The following PPP2R3A variants were observed in gnomAD, a reference collection of about 807,000 sequenced individuals.
PPP2R3A encodes serine/threonine-protein phosphatase 2A regulatory subunit B'' subunit alpha.
PPP2R3A carries 80 observed loss-of-function variants against 106.9 expected under a neutral mutation model. That is an observed-to-expected ratio of 0.75 (90% CI 0.62 to 0.90). The LOEUF (loss-of-function observed/expected upper bound fraction) is 0.90. PPP2R3A is among the 40% of genes least tolerant of loss of function. The pLI, the probability that PPP2R3A is intolerant of heterozygous loss-of-function variation, is 0.00. For synonymous variants in PPP2R3A, 483 were observed against 468.3 expected (o/e 1.03, Z -0.41); for missense variants, 1,386 against 1,350.4 (o/e 1.03, Z -0.41).
In PPP2R3A at chr3:136,145,043, CT is replaced by C; in HGVS notation, c.3333del (p.Phe1111LeufsTer23). On this transcript the variant is annotated frameshift_variant and splice_region_variant, in exon 14 of 14. Coordinates refer to ENST00000264977, the MANE Select transcript of PPP2R3A (RefSeq NM_002718.5). LOFTEE classifies it high-confidence loss of function. ...ESAQAQFQEG[F>X]EDYETDEPAS... is the part of the protein sequence containing the mutation. Reference sequence around the variant, plus strand: ...ATTCACTTTTGCTTTGTTATTTCAGCTTTGAAGATTATGAAACAGATGAACC... The same window carrying C: ...ATTCACTTTTGCTTTGTTATTTCAGCTTGAAGATTATGAAACAGATGAACC... 1 of 1,607,752 alleles carries C rather than the reference CT, an allele frequency of 6.2e-7. No individual in the cohort carries two copies. The highest frequency in any genetic ancestry group is 8.5e-7 in the Non-Finnish European group (1 of 1,177,938).
At chr3:135,968,540 C>T (rs1937155528) in intron 1 of PPP2R3A, among the ~76,000 whole-genome samples, 2 of 152,164 alleles carry the variant, frequency 1.3e-5, no homozygotes, top group Non-Finnish European at 2.9e-5. Flanking sequence ...AGAGTGATGA[C>T]ACAAAATGAA....
intron 2 of PPP2R3A, among the ~76,000 whole-genome samples, chr3:136,021,371 CA>C (rs1158153587): frequency 6.6e-6 from 1 of 152,000 alleles, no homozygotes; most frequent in African/African-American, 2.4e-5. Flanking sequence ...TAGTACGTAT[CA>C]AAAGCTTTCA....
rs1244086325 is a variant in PPP2R3A, at chr3:136,145,212, C to T, written c.*46C>T. ...ACGAAGATGTGTATTTTAAATGTTT[C>T]TTTCTTGTGAAGAGATGTTCTCGTT... On this transcript the variant is annotated 3_prime_UTR_variant, in exon 14 of 14. Coordinates refer to ENST00000264977, the MANE Select transcript of PPP2R3A (RefSeq NM_002718.5). 7 of 1,568,702 alleles carry T rather than the reference C, an allele frequency of 4.5e-6. No individual in the cohort carries two copies. The African/African-American group carries it at 5.5e-5, about 12-fold the overall frequency.
chr3:136,020,551 T>C (rs1934430408), intron 2 of PPP2R3A, among the ~76,000 whole-genome samples: 1 of 151,764 alleles, frequency 6.6e-6, no homozygotes, highest in Non-Finnish European at 1.5e-5. Flanking sequence ...GCAAAATCTT[T>C]TTAGTAGTTT....
intron 13 of PPP2R3A, among the ~76,000 whole-genome samples, chr3:136,119,574 A>AAGAC (rs1491566363): frequency 4.6e-5 from 7 of 152,220 alleles, no homozygotes; most frequent in African/African-American, 1.7e-4. Context: ...TTCTCAAAAG[A>AAGAC]AGACATTTAT....
chr3:136,117,321 A>G (rs1476768999), intron 13 of PPP2R3A, among the ~76,000 whole-genome samples: 1 of 152,204 alleles, frequency 6.6e-6, no homozygotes, highest in African/African-American at 2.4e-5. Context: ...CATCACAATT[A>G]AAAGAACTAG....
At position 135,989,855 on chromosome 3, in the gene PPP2R3A, A is replaced by G. The variant is rs149832990; in HGVS notation, c.-440-11204A>G. Among the ~76,000 whole-genome samples the G allele has an allele frequency of 3.3e-5, 5 of 152,330 alleles. No homozygotes were observed. In the East Asian group the frequency reaches 9.6e-4, roughly 29 times the overall value. On this transcript the variant is annotated intron_variant, in intron 1 of 13. Transcript: ENST00000264977. ...AGTGGAAAAAAACAGGCAATAAACT[A>G]TAATCTTACTTTTGTTTAAAAAGTT...
In PPP2R3A at chr3:136,146,025, T is replaced by C. The variant is rs2108046819; in HGVS notation, c.*859T>C. On this transcript the variant is annotated 3_prime_UTR_variant, in exon 14 of 14. Coordinates refer to ENST00000264977, the MANE Select transcript of PPP2R3A (RefSeq NM_002718.5). ...GAAGACATAAAGGAATAATGATACA[T>C]TAAAATTCTTACTAGATAGATATAT... 6.6e-6 allele frequency: 1 copy of C among 152,314 alleles called. No individual in the cohort carries two copies. The highest frequency in any genetic ancestry group is 1.5e-5 in the Non-Finnish European group (1 of 68,028). 9.4% of individuals were successfully genotyped at this position (152,314 alleles called of 1,614,324 possible).
rs1293865963 is a variant in PPP2R3A, at chr3:136,002,647, T to C, written c.1149T>C (p.Asn383=). Residue 383 remains asparagine (N), a synonymous_variant, in exon 2 of 14, where the codon AAT becomes AAC. Transcript: ENST00000264977. ...STNSLYNLEV[N]DPRTLKAVQV... The stretch of plus-strand genomic sequence containing the variant: ...ATTCCTTATATAACTTAGAGGTAAA[T>C]GATCCTAGAACTCTAAAAGCTGTCC... The C allele has an allele frequency of 6.2e-7, 1 of 1,613,590 alleles. No homozygotes were observed. The highest frequency in any genetic ancestry group is 1.1e-5 in the South Asian group (1 of 91,064).
Position 136,003,199 on chromosome 3 carries a change from C to A in PPP2R3A, c.1701C>A (p.Val567=). 6.2e-7 allele frequency: 1 copy of A among 1,613,902 alleles called. No individual in the cohort carries two copies. Among genetic ancestry groups the A allele is most frequent in the South Asian group, 1.1e-5 (1 of 91,074 alleles). The change falls in exon 2 of 14, where the codon GTC becomes GTA. Residue 567 remains valine (V), a synonymous_variant. Transcript: ENST00000264977. ...KSKVSSPIEK[V]SPSCLTRIIE... ...AAGTCTCTTCACCCATAGAAAAAGT[C>A]TCACCTTCCTGTCTAACAAGGATTA...
At chr3:136,044,214 T>C (rs1935393582) in intron 4 of PPP2R3A, among the ~76,000 whole-genome samples, 1 of 152,226 alleles carries the variant, frequency 6.6e-6, no homozygotes, top group Non-Finnish European at 1.5e-5. Context: ...AGGAATGTTA[T>C]GGAGAATAAG....
At chr3:136,103,195 G>A (rs1329538044) in intron 11 of PPP2R3A, 63 bp from the exon 12 acceptor site, 28 of 1,102,772 alleles carry the variant, frequency 2.5e-5, no homozygotes, top group Non-Finnish European at 3.6e-5. Context: ...GTCAGGGAAA[G>A]TTTTTTCCTC....
chr3:136,097,563 T>G (rs1937245684), intron 10 of PPP2R3A, among the ~76,000 whole-genome samples: 1 of 152,232 alleles, frequency 6.6e-6, no homozygotes, highest in South Asian at 2.1e-4. Context: ...CTTTATTTAT[T>G]GTAAAGAGAA....
At chr3:136,008,177 A>G (rs538555769) in intron 2 of PPP2R3A, among the ~76,000 whole-genome samples, 3 of 152,300 alleles carry the variant, frequency 2.0e-5, no homozygotes, top group Non-Finnish European at 4.4e-5. Context: ...CTTAATAAAC[A>G]CTTTTCTCTC....
rs571788700 is a variant in PPP2R3A at position 135,965,768 on chromosome 3, C to T, written c.-522C>T. The T allele has an allele frequency of 6.6e-6, 1 of 152,142 alleles. No homozygotes were observed. The highest frequency in any genetic ancestry group is 2.4e-5 in the African/African-American group (1 of 41,410). The allele number at this position is 152,142 out of a possible 1,614,324, so 9.4% of individuals were successfully genotyped here. ...CTCTTCACGCGCCGCATTCGTAGCC[C>T]GAGAGTCCGCGCCGCGGGGAGGCTT... On this transcript the variant is annotated 5_prime_UTR_variant, in exon 1 of 14. Transcript: ENST00000264977.
At chr3:136,000,343 A>T (rs189825248) in intron 1 of PPP2R3A, among the ~76,000 whole-genome samples, 112 of 152,356 alleles carry the variant, frequency 7.4e-4, no homozygotes, top group African/African-American at 2.6e-3. Context: ...GAATAAATAC[A>T]TTGACAGAAC....
At chr3:136,129,545 AGT>A (rs1426833012) in intron 13 of PPP2R3A, among the ~76,000 whole-genome samples, 3 of 152,210 alleles carry the variant, frequency 2.0e-5, no homozygotes, top group Non-Finnish European at 2.9e-5. Flanking sequence ...AACCAAAAAA[AGT>A]CCAGGACCAG....
At chr3:135,966,266 G>A (rs368983976) in intron 1 of PPP2R3A, among the ~76,000 whole-genome samples, 37 of 152,210 alleles carry the variant, frequency 2.4e-4, no homozygotes, top group African/African-American at 8.9e-4. Context: ...CGTTTTGGAA[G>A]AACTGAGAGT....
intron 13 of PPP2R3A, among the ~76,000 whole-genome samples, chr3:136,137,058 T>G (rs1335784570): frequency 1.3e-5 from 2 of 152,166 alleles, no homozygotes; most frequent in African/African-American, 4.8e-5. Flanking sequence ...TTAATCCAAG[T>G]CAACTAAATG....
Sources: allele counts gnomAD v4.1 joint callset (sites outside exome capture counted in the v4.1 genomes callset), GRCh38; gene constraint gnomAD v4.1.1; transcripts MANE v1.5; gene names NCBI Gene and HGNC (gene_info 2026-07-23, HGNC 2026-07-21).